The following MYO5A variants were observed in gnomAD, a reference collection of about 807,000 sequenced individuals.
MYO5A encodes the protein unconventional myosin-Va.
MYO5A carries 98 observed loss-of-function variants against 249.7 expected under a neutral mutation model. The observed-to-expected ratio is 0.39, with a 90% CI of 0.33 to 0.46. The LOEUF (loss-of-function observed/expected upper bound fraction) is 0.46. Among genes scored for constraint, MYO5A ranks in the 20% least tolerant of loss-of-function variants. The pLI, the probability that MYO5A is intolerant of heterozygous loss-of-function variation, is 0.98. For missense variants in MYO5A, 1,696 were observed against 2,308.8 expected, an observed-to-expected ratio of 0.73 and a Z score of 5.44; for synonymous variants, 778 against 810.6, an observed-to-expected ratio of 0.96 and a Z score of 0.68.
At chr15:52,451,831 A>T (rs2076026015) in intron 1 of MYO5A, among the ~76,000 whole-genome samples, 1 of 152,192 alleles carries the variant, frequency 6.6e-6, no homozygotes, top group South Asian at 2.1e-4. Flanking sequence ...ATCTAAATTA[A>T]GCTCCACTGT....
chr15:52,510,801 G>A lies in MYO5A; in HGVS notation c.27+17979C>T, dbSNP rs564066085. On this transcript the variant is annotated intron_variant, in intron 1 of 41. Coordinates refer to ENST00000399233, the MANE Select transcript of MYO5A (RefSeq NM_001382347.1). ...ACTGGTCCCTGGGGCCAAAAAGGTT[G>A]GGGACCGCTGACCTAAGTCTAATGT... Among the ~76,000 whole-genome samples the A allele has an allele frequency of 3.9e-5, 6 of 152,312 alleles. No homozygotes were observed. The South Asian group carries it at 1.2e-3, about 32-fold the overall frequency.
At chr15:52,332,770 C>A (rs1032564597) in intron 34 of MYO5A, among the ~76,000 whole-genome samples, 2 of 152,128 alleles carry the variant, frequency 1.3e-5, no homozygotes, top group Non-Finnish European at 2.9e-5. Flanking sequence ...TCAAGACCAC[C>A]CTGACCAACA....
rs1239699450 is a variant in MYO5A at position 52,337,903 on chromosome 15, T to C, written c.4240-19A>G. The C allele has an allele frequency of 1.9e-5, 29 of 1,496,746 alleles. No homozygotes were observed. Among genetic ancestry groups the C allele is most frequent in the Non-Finnish European group, 2.5e-5 (28 of 1,104,954 alleles). 92.7% of individuals were successfully genotyped at this position (1,496,746 alleles called of 1,614,324 possible). A position where few individuals can be genotyped will look rare whatever the true frequency, so the allele number is the denominator to read the frequency against. On this transcript the variant is annotated intron_variant, in intron 32 of 41. Coordinates refer to ENST00000399233, the MANE Select transcript of MYO5A (RefSeq NM_001382347.1). ...CAAAATACTGAAAAAACAGGCACAA[T>C]GGATATTTGTTTTTGTCTGTGTGTT...
intron 1 of MYO5A, among the ~76,000 whole-genome samples, chr15:52,516,938 G>A (rs1166619976): frequency 6.6e-6 from 1 of 151,598 alleles, no homozygotes; most frequent in Non-Finnish European, 1.5e-5. Context: ...ATTCTCTCTG[G>A]CACAGATTGA....
intron 32 of MYO5A, among the ~76,000 whole-genome samples, chr15:52,338,122 C>G (rs1018995698): frequency 3.3e-5 from 5 of 151,854 alleles, no homozygotes; most frequent in Admixed American, 3.3e-4. Context: ...GGCCAGGATG[C>G]CATCACTTAG....
At chr15:52,346,714 C>T (rs933412864) in intron 29 of MYO5A, 6 of 555,682 alleles carry the variant, frequency 1.1e-5, no homozygotes, top group African/African-American at 9.3e-5. Flanking sequence ...TCTACAATGT[C>T]ACGGCCCTGT....
intron 22 of MYO5A, 40 bp from the exon 23 acceptor site, chr15:52,367,164 C>A (rs2040853705): frequency 2.0e-6 from 3 of 1,536,338 alleles, no homozygotes; most frequent in Non-Finnish European, 2.7e-6. Flanking sequence ...TTGCAATGGA[C>A]AGAGGAAGCC....
chr15:52,338,100 G>T (rs1171998265), intron 32 of MYO5A, among the ~76,000 whole-genome samples: 1 of 152,010 alleles, frequency 6.6e-6, no homozygotes, highest in Non-Finnish European at 1.5e-5. Flanking sequence ...GTGAACAAAG[G>T]AAAGAGGCTG....
chr15:52,458,323 C>T (rs1256973279), intron 1 of MYO5A, among the ~76,000 whole-genome samples: 8 of 152,250 alleles, frequency 5.3e-5, no homozygotes, highest in Non-Finnish European at 8.8e-5. Context: ...TGCCTGTAAT[C>T]CCAGCACTTT....
At chr15:52,345,563 C>A (rs1413545399) in intron 30 of MYO5A, among the ~76,000 whole-genome samples, 1 of 138,230 alleles carries the variant, frequency 7.2e-6, no homozygotes, top group South Asian at 2.2e-4. Context: ...CCAGCCTAGG[C>A]GAAAGAGGGA....
intron 18 of MYO5A, 63 bp downstream of exon 18, chr15:52,379,562 G>T: frequency 6.9e-7 from 1 of 1,452,778 alleles, no homozygotes; most frequent in South Asian, 1.1e-5. Flanking sequence ...AGTTCCCGGG[G>T]CTTTCCAAGG....
At chr15:52,382,336 G>T (rs1225503102) in intron 16 of MYO5A, among the ~76,000 whole-genome samples, 2 of 152,216 alleles carry the variant, frequency 1.3e-5, no homozygotes, top group Non-Finnish European at 2.9e-5. Flanking sequence ...CCACTGGGAG[G>T]CCGAGTGGGG....
chr15:52,430,425 T>A (rs2075501823), intron 2 of MYO5A, among the ~76,000 whole-genome samples: 1 of 152,176 alleles, frequency 6.6e-6, no homozygotes, highest in Admixed American at 6.5e-5. Flanking sequence ...TCACAGAAAT[T>A]TCCTTCTTGG....
chr15:52,403,273 C>T lies in MYO5A; in HGVS notation c.1053+2014G>A, dbSNP rs1228062419. ...AAAATCCAGTTTGTATACCAACATT[C>T]AGAGTAGTGTTATTCATAACAGCCA... On this transcript the variant is annotated intron_variant, in intron 9 of 41. Coordinates refer to ENST00000399233, the MANE Select transcript of MYO5A (RefSeq NM_001382347.1). 2.0e-5 allele frequency among the ~76,000 whole-genome samples: 3 copies of T among 152,276 alleles called. No individual in the cohort carries two copies. In the East Asian group the frequency reaches 5.8e-4, roughly 29 times the overall value.
At chr15:52,413,573 C>T (rs1388301953) in intron 5 of MYO5A, among the ~76,000 whole-genome samples, 21 of 152,132 alleles carry the variant, frequency 1.4e-4, no homozygotes, top group Admixed American at 1.2e-3. Flanking sequence ...GCCGATATGC[C>T]TTTCCTGACA....
chr15:52,330,268 A>T, intron 35 of MYO5A, 85 bp downstream of exon 35: 1 of 1,550,354 alleles, frequency 6.5e-7, no homozygotes, highest in South Asian at 1.1e-5. Context: ...ACCTACGCTG[A>T]ATATCTCAAA....
intron 6 of MYO5A, among the ~76,000 whole-genome samples, chr15:52,408,638 A>G (rs1478592869): frequency 6.6e-6 from 1 of 152,236 alleles, no homozygotes. Context: ...TTTTAAATCA[A>G]TAACTGTTTT....
intron 1 of MYO5A, among the ~76,000 whole-genome samples, chr15:52,523,270 GA>G (rs2077660682): frequency 1.3e-5 from 2 of 152,072 alleles, no homozygotes; most frequent in African/African-American, 2.4e-5. Context: ...TTTGTTTCCT[GA>G]AAGTTTCCTG....
At chr15:52,467,491 AAG>A (rs1361870021) in intron 1 of MYO5A, among the ~76,000 whole-genome samples, 1 of 152,188 alleles carries the variant, frequency 6.6e-6, no homozygotes, top group Non-Finnish European at 1.5e-5. Context: ...GTGAGGAAAA[AAG>A]AATGAATAAA....
Sources: allele counts gnomAD v4.1 joint callset (sites outside exome capture counted in the v4.1 genomes callset), GRCh38; gene constraint gnomAD v4.1.1; transcripts MANE v1.5; gene names NCBI Gene and HGNC (gene_info 2026-07-23, HGNC 2026-07-21).